GTF2F1: variants seen among roughly 807,000 people sequenced by gnomAD.
GTF2F1 encodes general transcription factor IIF 74 kDa subunit.
Under a neutral mutation model 63.5 loss-of-function variants are expected in GTF2F1, and 39 were observed. The observed-to-expected ratio is 0.61, with a 90% CI of 0.48 to 0.80. GTF2F1 has a LOEUF of 0.80. GTF2F1 is among the 30% of genes least tolerant of loss of function. GTF2F1 has a pLI of 0.00. For synonymous variants in GTF2F1, 287 were observed against 285.3 expected (o/e 1.01, Z -0.06); for missense variants, 657 against 718.3 (o/e 0.91, Z 0.97).
chr19:6,388,294 T>C (rs2091981843), intron 4 of GTF2F1, among the ~76,000 whole-genome samples: 1 of 152,186 alleles, frequency 6.6e-6, no homozygotes. Flanking sequence ...CCTAAACAAC[T>C]GCCCAGCCTC....
rs563587220 is a variant in GTF2F1, at chr19:6,387,967, G to A, written c.327-408C>T. On this transcript the variant is annotated intron_variant, in intron 4 of 12. Coordinates refer to ENST00000394456, the MANE Select transcript of GTF2F1 (RefSeq NM_002096.3). ...TTTTTTGAGATGGAGTCTCGCTCTGGCACCCAGGCTGGAGTGCAGTGGCAC... is the reference window on the plus strand; with the variant it reads ...TTTTTTGAGATGGAGTCTCGCTCTGACACCCAGGCTGGAGTGCAGTGGCAC... Among the ~76,000 whole-genome samples, 6 of 149,772 alleles carry A rather than the reference G, an allele frequency of 4.0e-5. No individual in the cohort carries two copies. The East Asian group carries it at 1.2e-3, about 29-fold the overall frequency.
intron 4 of GTF2F1, among the ~76,000 whole-genome samples, chr19:6,387,973 A>G (rs2091980357): frequency 6.7e-6 from 1 of 149,706 alleles, no homozygotes; most frequent in Non-Finnish European, 1.5e-5. Flanking sequence ...TCTGGCACCC[A>G]GGCTGGAGTG....
At chr19:6,392,484 G>T (rs1419836278) in intron 2 of GTF2F1, 4 of 525,448 alleles carry the variant, frequency 7.6e-6, no homozygotes. Flanking sequence ...ACAGTTTAGG[G>T]GTTGAGGGGA....
intron 4 of GTF2F1, 24 bp downstream of exon 4, chr19:6,389,420 C>A (rs370774966): frequency 1.1e-5 from 18 of 1,607,006 alleles, no homozygotes; most frequent in Non-Finnish European, 1.5e-5. Context: ...ACTAAGCCGG[C>A]ACCGCCACCG....
In GTF2F1 at chr19:6,381,067, G is replaced by A. The variant is rs2091946671; in HGVS notation, c.1093-25C>T. The A allele has an allele frequency of 1.2e-6, 2 of 1,609,950 alleles. No homozygotes were observed. Among genetic ancestry groups the A allele is most frequent in the African/African-American group, 1.3e-5 (1 of 75,010 alleles). Reference sequence around the variant, plus strand: ...TCTGCAGAGGTCAGGGTTGGGAGGTGGGTGAGTCTGCAAACAGACGCCCAG... The same window carrying A: ...TCTGCAGAGGTCAGGGTTGGGAGGTAGGTGAGTCTGCAAACAGACGCCCAG... On this transcript the variant is annotated intron_variant, in intron 10 of 12. Coordinates refer to ENST00000394456, the MANE Select transcript of GTF2F1 (RefSeq NM_002096.3). This position sits in a 1 kb window ranked among gnomAD's most constrained non-coding sequence, Gnocchi z 4.1.
Position 6,386,097 on chromosome 19 carries a change from T to C in GTF2F1, c.497+1292A>G, listed in dbSNP as rs149144529. 6.8e-3 allele frequency among the ~76,000 whole-genome samples: 973 copies of C among 143,614 alleles called. 6 individuals are homozygous for C. The highest frequency in any genetic ancestry group is 0.024 in the African/African-American group (917 of 38,582). 94.2% of individuals were successfully genotyped at this position (143,614 alleles called of 152,430 possible). A position where few individuals can be genotyped will look rare whatever the true frequency, so the allele number is the denominator to read the frequency against. ...TCTCAAAAAAACAAAACAACAAAAC[T>C]AAAACAGGCCGGGCGTGGTGGCTCA... On this transcript the variant is annotated intron_variant, in intron 5 of 12. Transcript: ENST00000394456.
chr19:6,383,211 T>C lies in GTF2F1; in HGVS notation c.682+100A>G. On this transcript the variant is annotated intron_variant, in intron 6 of 12. Transcript: ENST00000394456. The surrounding 1 kb of genome is among the most constrained non-coding windows in gnomAD (Gnocchi z 4.5). ...GCCACTGTGCCCGGCCCCACTTGCC[T>C]CTCATTCTAGGGCCACTGTGAGCGA... 1 of 1,304,168 alleles carries C rather than the reference T, an allele frequency of 7.7e-7. No individual in the cohort carries two copies. The highest frequency in any genetic ancestry group is 1.1e-6 in the Non-Finnish European group (1 of 927,288). 80.8% of individuals were successfully genotyped at this position (1,304,168 alleles called of 1,614,324 possible). A position where few individuals can be genotyped will look rare whatever the true frequency, so the allele number is the denominator to read the frequency against.
At chr19:6,384,209 A>G (rs573799871) in intron 5 of GTF2F1, among the ~76,000 whole-genome samples, 9 of 151,830 alleles carry the variant, frequency 5.9e-5, no homozygotes, top group Non-Finnish European at 1.0e-4. Flanking sequence ...AGCTTTAAAA[A>G]ACAGGACTGC....
rs2091943527 is a variant in GTF2F1 at position 6,380,669 on chromosome 19, G to A, written c.1253C>T (p.Pro418Leu). The A allele has an allele frequency of 6.2e-7, 1 of 1,612,820 alleles. No homozygotes were observed. Residue 418 changes from proline to leucine, a missense_variant, in exon 12 of 13, where the codon CCT becomes CTT. Pro to Leu is a moderately conservative substitution (Grantham distance 98, BLOSUM62 -3). This residue lies in a region of GTF2F1 where 602 missense variants were observed against 625.6 expected (regional missense o/e 0.96). Transcript: ENST00000394456. This position sits in a 1 kb window ranked among gnomAD's most constrained non-coding sequence, Gnocchi z 5.3. The part of the protein sequence containing the change: ...LEQGKRVSEM[P>L]AAKRLRLDTG... ...GTCCAGCCGCAACCGCTTGGCTGCAGGCATCTCGCTCACCCGCTTCCCTGT... is the reference window on the plus strand; with the variant it reads ...GTCCAGCCGCAACCGCTTGGCTGCAAGCATCTCGCTCACCCGCTTCCCTGT...
At chr19:6,384,431 C>G (rs1194633507) in intron 5 of GTF2F1, among the ~76,000 whole-genome samples, 1 of 151,872 alleles carries the variant, frequency 6.6e-6, no homozygotes, top group Non-Finnish European at 1.5e-5. Flanking sequence ...TCAATTGAAC[C>G]CAGGAGGCAG....
At position 6,381,562 on chromosome 19, in the gene GTF2F1, C is replaced by T; in HGVS notation, c.890G>A (p.Gly297Glu). The T allele has an allele frequency of 6.2e-7, 1 of 1,613,332 alleles. No individual in the cohort carries two copies. The highest frequency in any genetic ancestry group is 8.5e-7 in the Non-Finnish European group (1 of 1,180,008). ...GCCCAGCCATCGCCTACCCTTGGGCCCCTCCTCCTGCTGCGGCGCCTTGGC... is the reference window on the plus strand; with the variant it reads ...GCCCAGCCATCGCCTACCCTTGGGCTCCTCCTCCTGCTGCGGCGCCTTGGC... ...SKAKAPQQEEGPKGVDEQSDS... is the reference protein window; with the variant it reads ...SKAKAPQQEEEPKGVDEQSDS... The change falls in exon 8 of 13, where the codon GGG becomes GAG. Residue 297 changes from glycine (G) to glutamate (E), a missense_variant. Gly to Glu is a moderately conservative substitution (Grantham distance 98). Coordinates refer to ENST00000394456, the MANE Select transcript of GTF2F1 (RefSeq NM_002096.3). This position sits in a 1 kb window ranked among gnomAD's most constrained non-coding sequence, Gnocchi z 4.1.
intron 5 of GTF2F1, among the ~76,000 whole-genome samples, chr19:6,385,570 T>TA (rs1449458583): frequency 1.3e-5 from 2 of 151,976 alleles, no homozygotes; most frequent in Non-Finnish European, 2.9e-5. Flanking sequence ...ATCGACTGAT[T>TA]TTACAGTGGA....
At chr19:6,385,542 C>A (rs2091970953) in intron 5 of GTF2F1, among the ~76,000 whole-genome samples, 1 of 152,008 alleles carries the variant, frequency 6.6e-6, no homozygotes, top group African/African-American at 2.4e-5. Flanking sequence ...AGCGAACCTG[C>A]CCCCCCAGCA....
chr19:6,387,378 A>C lies in GTF2F1; in HGVS notation c.497+11T>G. 1 of 1,613,086 alleles carries C rather than the reference A, an allele frequency of 6.2e-7. No homozygotes were observed. The highest frequency in any genetic ancestry group is 8.5e-7 in the Non-Finnish European group (1 of 1,179,240). On this transcript the variant is annotated intron_variant, in intron 5 of 12. Coordinates refer to ENST00000394456, the MANE Select transcript of GTF2F1 (RefSeq NM_002096.3). ...TCACTTCTGTCCCCAGCCACCACCC[A>C]GCCCACTCACCTCTCCCACTCCTCC...
At chr19:6,392,432 G>A (rs1340722232) in intron 2 of GTF2F1, 1 of 492,904 alleles carries the variant, frequency 2.0e-6, no homozygotes, top group South Asian at 1.5e-5. Context: ...AGATACTGGA[G>A]TTGAGTTTTG....
At chr19:6,385,395 C>CA (rs10602439) in intron 5 of GTF2F1, among the ~76,000 whole-genome samples, 785 of 37,876 alleles carry the variant, frequency 0.021, 71 homozygotes, top group Non-Finnish European at 0.033. Flanking sequence ...GAGACTGTCT[C>CA]AAAAAAAAAA....
Position 6,380,270 on chromosome 19 carries a change from T to C in GTF2F1, c.*11A>G, listed in dbSNP as rs1260778514. 1.3e-5 allele frequency: 21 copies of C among 1,610,764 alleles called. No individual in the cohort carries two copies. Among genetic ancestry groups the C allele is most frequent in the Non-Finnish European group, 1.5e-5 (18 of 1,176,962 alleles). On this transcript the variant is annotated 3_prime_UTR_variant, in exon 13 of 13. Transcript: ENST00000394456. The surrounding 1 kb of genome is among the most constrained non-coding windows in gnomAD (Gnocchi z 5.3). ...AGTTCTGGGGGGCAGAGCCATGTAT[T>C]GGACCAAGCCTCACTCCTTGAGGGA... is the stretch of plus-strand genomic sequence containing the variant.
At chr19:6,392,122 A>G (rs1253835545) in intron 2 of GTF2F1, 148 bp from the exon 3 acceptor site, 2 of 676,052 alleles carry the variant, frequency 3.0e-6, no homozygotes, top group Admixed American at 2.1e-5. Context: ...CAATCACTCA[A>G]TTCAATTGAA....
chr19:6,385,021 G>A (rs888817664), intron 5 of GTF2F1, among the ~76,000 whole-genome samples: 5 of 151,838 alleles, frequency 3.3e-5, no homozygotes, highest in African/African-American at 9.7e-5. Flanking sequence ...GGCTGGTCTC[G>A]AACTCTTGAC....
Sources: allele counts gnomAD v4.1 joint callset (sites outside exome capture counted in the v4.1 genomes callset), GRCh38; gene constraint gnomAD v4.1.1; regional missense constraint gnomAD v4.1.1; non-coding constraint Gnocchi (gnomAD v3.1); transcripts MANE v1.5; gene names NCBI Gene and HGNC (gene_info 2026-07-23, HGNC 2026-07-21).